PNPLA6: variants seen among roughly 807,000 people sequenced by gnomAD.
PNPLA6 encodes patatin-like phospholipase domain-containing protein 6.
A neutral mutation model predicts 153.7 loss-of-function variants in PNPLA6; 105 were observed. The ratio of observed to expected loss-of-function variants is 0.68; its 90% confidence interval spans 0.58 to 0.80. The LOEUF is 0.80. Ranked by LOEUF, PNPLA6 falls within the 30% of genes least tolerant of loss-of-function variation. PNPLA6 has a pLI of 0.00. For synonymous variants in PNPLA6, 825 were observed against 822.2 expected, an observed-to-expected ratio of 1.00 and a Z score of -0.06; for missense variants, 1,423 against 1,919.3, an observed-to-expected ratio of 0.74 and a Z score of 4.83.
chr19:7,546,913 T>TC (rs1202276023), intron 13 of PNPLA6, among the ~76,000 whole-genome samples: 2 of 151,456 alleles, frequency 1.3e-5, no homozygotes, highest in African/African-American at 4.9e-5. Flanking sequence ...ATTCAATTTT[T>TC]TTTTTTTTTA....
In PNPLA6 at chr19:7,540,965, CG is replaced by C. The variant is rs1568408167; in HGVS notation, c.841del (p.Asp281ThrfsTer48). ...PQRTVSARAA[R>X]DSTVLRLPVE... Reference sequence around the variant, plus strand: ...GCGGACCGTGTCTGCCCGGGCGGCCCGGGACTCCACGGTGCTGCGCCTGCCG... The same window carrying C: ...GCGGACCGTGTCTGCCCGGGCGGCCCGGACTCCACGGTGCTGCGCCTGCCG... On this transcript the variant is annotated frameshift_variant, in exon 7 of 32. Coordinates refer to ENST00000600737, the MANE Select transcript of PNPLA6 (RefSeq NM_001166114.2). LOFTEE classifies it high-confidence loss of function. This position sits in a 1 kb window ranked among gnomAD's most constrained non-coding sequence, Gnocchi z 6.8. The C allele has an allele frequency of 6.2e-7, 1 of 1,611,438 alleles. No individual in the cohort carries two copies. Among genetic ancestry groups the C allele is most frequent in the Non-Finnish European group, 8.5e-7 (1 of 1,179,468 alleles).
At chr19:7,560,580 T>C in intron 28 of PNPLA6, 68 bp from the exon 29 acceptor site, 1 of 1,066,216 alleles carries the variant, frequency 9.4e-7, no homozygotes, top group Non-Finnish European at 1.5e-6. Flanking sequence ...GGCCAGAGAA[T>C]GGGCAGACAG....
At position 7,555,236 on chromosome 19, in the gene PNPLA6, T is replaced by TC. The variant is rs1199037328; in HGVS notation, c.2818-8dup. 1 of 1,585,454 alleles carries TC rather than the reference T, an allele frequency of 6.3e-7. No individual in the cohort carries two copies. The highest frequency in any genetic ancestry group is 1.8e-5 in the Admixed American group (1 of 56,864). On this transcript the variant is annotated splice_polypyrimidine_tract_variant and intron_variant, in intron 22 of 31. Transcript: ENST00000600737. This position sits in a 1 kb window ranked among gnomAD's most constrained non-coding sequence, Gnocchi z 6.3. ...CTCATGCTCCTGGGTCGCGACTATCTCCCCCATCCCAGCATGAGCTCTACG... is the reference window on the plus strand; with the variant it reads ...CTCATGCTCCTGGGTCGCGACTATCTCCCCCCATCCCAGCATGAGCTCTACG...
In PNPLA6 at chr19:7,561,208, G is replaced by A; in HGVS notation, c.3914G>A (p.Gly1305Glu). ...TSYVSDGCAD[G>E]EESDCLTEYE... ...CCTGTGCCCTGCTCCCCGATTCCAGGAGAGGAGTCAGATTGTCTGACAGAG... is the reference window on the plus strand; with the variant it reads ...CCTGTGCCCTGCTCCCCGATTCCAGAAGAGGAGTCAGATTGTCTGACAGAG... The change falls in exon 31 of 32, where the codon GGA becomes GAA. Residue 1305 changes from glycine (G) to glutamate (E), a missense_variant and splice_region_variant. By Grantham distance (98) the Gly-to-Glu change is moderately conservative. Around this residue, in one of 10 missense-constraint regions of PNPLA6, gnomAD observed 643 missense variants for 835.2 expected, o/e 0.77. Transcript: ENST00000600737. 1 of 1,607,166 alleles carries A rather than the reference G, an allele frequency of 6.2e-7. No homozygotes were observed. Among genetic ancestry groups the A allele is most frequent in the East Asian group, 2.2e-5 (1 of 44,674 alleles).
In PNPLA6 at chr19:7,541,219, C is replaced by T. The variant is rs1297606478; in HGVS notation, c.925-135C>T. ...CCGCGGACTCCTCCCTTAGCTGCCT[C>T]GCCCCATTTCCCCAGACTGTGGGTC... On this transcript the variant is annotated intron_variant, in intron 7 of 31. Transcript: ENST00000600737. This position sits in a 1 kb window ranked among gnomAD's most constrained non-coding sequence, Gnocchi z 5.2. The T allele has an allele frequency of 5.5e-6, 6 of 1,086,406 alleles. No homozygotes were observed. The East Asian group carries it at 1.3e-4, about 23-fold the overall frequency. 67.3% of individuals were successfully genotyped at this position (1,086,406 alleles called of 1,614,324 possible). A position where few individuals can be genotyped will look rare whatever the true frequency, so the allele number is the denominator to read the frequency against.
In PNPLA6 at chr19:7,556,443, T is replaced by C. The variant is rs2023883114; in HGVS notation, c.3094-10T>C. On this transcript the variant is annotated splice_polypyrimidine_tract_variant and intron_variant, in intron 24 of 31. Transcript: ENST00000600737. ...CTCCTATTTGACCCTGTCTGGCCCC[T>C]TGTCCCTAGAGCATGACTTCGGTGC... 1 of 1,574,644 alleles carries C rather than the reference T, an allele frequency of 6.4e-7. No individual in the cohort carries two copies. Among genetic ancestry groups the C allele is most frequent in the Non-Finnish European group, 8.7e-7 (1 of 1,144,118 alleles).
rs754999850 is a variant in PNPLA6, at chr19:7,554,256, G to A, written c.2449G>A (p.Ala817Thr). ...TGACATCATCCGGGCACGCCTGGGG[G>A]CCTCCGCACTGGATAGGTGTGTGTT... Reference protein sequence around the residue: ...NSDIIRARLGASALDSIQEFR... With the variant: ...NSDIIRARLGTSALDSIQEFR... The change falls in exon 20 of 32, where the codon GCC becomes ACC. Residue 817 changes from alanine to threonine, a missense_variant. Physicochemically the swap from Ala to Thr is moderately conservative, Grantham distance 58. Coordinates refer to ENST00000600737, the MANE Select transcript of PNPLA6 (RefSeq NM_001166114.2). The A allele has an allele frequency of 6.2e-7, 1 of 1,613,986 alleles. No individual in the cohort carries two copies. The highest frequency in any genetic ancestry group is 1.1e-5 in the South Asian group (1 of 91,082).
chr19:7,549,864 C>T (rs1467561790), intron 13 of PNPLA6, 43 bp from the exon 14 acceptor site: 2 of 1,588,264 alleles, frequency 1.3e-6, no homozygotes, highest in Non-Finnish European at 1.7e-6. Flanking sequence ...CTGGGGTCCA[C>T]GCTGTCCGGG....
intron 28 of PNPLA6, among the ~76,000 whole-genome samples, chr19:7,559,492 G>A (rs950636149): frequency 4.6e-5 from 7 of 152,142 alleles, no homozygotes; most frequent in African/African-American, 1.7e-4. Context: ...GTAGCAGTGC[G>A]TGTGTTATGT....
Position 7,541,284 on chromosome 19 carries a change from G to C in PNPLA6, c.925-70G>C. On this transcript the variant is annotated intron_variant, in intron 7 of 31. Transcript: ENST00000600737. This position sits in a 1 kb window ranked among gnomAD's most constrained non-coding sequence, Gnocchi z 5.2. ...GCCCGACCCCTTATGCTGCGAACTAGCCCGGCCCACCATCTGGCCCTGCCC... is the reference window on the plus strand; with the variant it reads ...GCCCGACCCCTTATGCTGCGAACTACCCCGGCCCACCATCTGGCCCTGCCC... 1 of 1,389,792 alleles carries C rather than the reference G, an allele frequency of 7.2e-7. No homozygotes were observed. The highest frequency in any genetic ancestry group is 1.0e-6 in the Non-Finnish European group (1 of 989,564). 86.1% of individuals were successfully genotyped at this position (1,389,792 alleles called of 1,614,324 possible). A position where few individuals can be genotyped will look rare whatever the true frequency, so the allele number is the denominator to read the frequency against.
intron 16 of PNPLA6, 90 bp downstream of exon 16, chr19:7,550,730 T>G: frequency 6.7e-7 from 1 of 1,500,330 alleles, no homozygotes; most frequent in African/African-American, 1.4e-5. Context: ...ATCCAGGGAG[T>G]GGTGAATGCA....
At chr19:7,546,619 G>C (rs543057811) in intron 13 of PNPLA6, among the ~76,000 whole-genome samples, 1 of 152,152 alleles carries the variant, frequency 6.6e-6, no homozygotes, top group Non-Finnish European at 1.5e-5. Flanking sequence ...ATGTTGGCCA[G>C]GATGGTCTTG....
rs143001288 is a variant in PNPLA6 at position 7,540,572 on chromosome 19, G to A, written c.715-58G>A. On this transcript the variant is annotated intron_variant, in intron 5 of 31. Coordinates refer to ENST00000600737, the MANE Select transcript of PNPLA6 (RefSeq NM_001166114.2). The surrounding 1 kb of genome is among the most constrained non-coding windows in gnomAD (Gnocchi z 6.8). ...AGTGATCATTGGGATGGATGAGGGG[G>A]CGACATGCCAGTCACCAGGGCGAGG... The A allele has an allele frequency of 5.1e-4, 688 of 1,349,018 alleles. 5 individuals are homozygous for A. In the African/African-American group the frequency reaches 7.7e-3, roughly 15 times the overall value. 83.6% of individuals were successfully genotyped at this position (1,349,018 alleles called of 1,614,324 possible).
At chr19:7,559,232 GGGAGGAATCCA>G (rs1445793463) in intron 28 of PNPLA6, 81 bp downstream of exon 28, 11 of 1,224,702 alleles carry the variant, frequency 9.0e-6, no homozygotes, top group African/African-American at 3.0e-5. Flanking sequence ...TGGTATGAGG[GGGAGGAATCCA>G]GGAGGAATCC....
At chr19:7,559,648 G>A (rs1281474640) in intron 28 of PNPLA6, among the ~76,000 whole-genome samples, 1 of 151,896 alleles carries the variant, frequency 6.6e-6, no homozygotes, top group Non-Finnish European at 1.5e-5. Context: ...AGACCAGCCT[G>A]TGCAACATAG....
At position 7,540,347 on chromosome 19, in the gene PNPLA6, G is replaced by A. The variant is rs367968144; in HGVS notation, c.714+39G>A. The A allele has an allele frequency of 2.5e-6, 4 of 1,582,012 alleles. No individual in the cohort carries two copies. Among genetic ancestry groups the A allele is most frequent in the Non-Finnish European group, 3.4e-6 (4 of 1,166,588 alleles). ...CCCAGGGGCTGCTGCAGGAGGATGG[G>A]TGGTGGGGATGGGCAGCAGGCATTG... On this transcript the variant is annotated intron_variant, in intron 5 of 31. Coordinates refer to ENST00000600737, the MANE Select transcript of PNPLA6 (RefSeq NM_001166114.2). The surrounding 1 kb of genome is among the most constrained non-coding windows in gnomAD (Gnocchi z 6.8).
At chr19:7,549,584 G>T (rs1055235579) in intron 13 of PNPLA6, 1 of 403,226 alleles carries the variant, frequency 2.5e-6, no homozygotes, top group Non-Finnish European at 4.7e-6. Flanking sequence ...AGCCTTCCAG[G>T]TTCAGGCAAT....
At position 7,549,922 on chromosome 19, in the gene PNPLA6, T is replaced by C. The variant is rs184906487; in HGVS notation, c.1624T>C (p.Phe542Leu). 1.9e-6 allele frequency: 3 copies of C among 1,613,646 alleles called. No homozygotes were observed. In the African/African-American group the frequency reaches 4.0e-5, roughly 21 times the overall value. Reference sequence around the variant, plus strand: ...GCCCGCACAGGACGTGAGCCTGCACTTCGTGCTCTGGGGCTGCCTGCACGT... The same window carrying C: ...GCCCGCACAGGACGTGAGCCTGCACCTCGTGCTCTGGGGCTGCCTGCACGT... ...RQGDQDVSLH[F>L]VLWGCLHVYQ... The change falls in exon 14 of 32, where the codon TTC becomes CTC. Residue 542 changes from phenylalanine (F) to leucine (L), a missense_variant. Transcript: ENST00000600737.
At chr19:7,548,926 C>T (rs1437223708) in intron 13 of PNPLA6, among the ~76,000 whole-genome samples, 3 of 149,860 alleles carry the variant, frequency 2.0e-5, no homozygotes, top group African/African-American at 7.3e-5. Flanking sequence ...CCTCAGACTC[C>T]CAAGTAGCTG....
Sources: allele counts gnomAD v4.1 joint callset (sites outside exome capture counted in the v4.1 genomes callset), GRCh38; gene constraint gnomAD v4.1.1; regional missense constraint gnomAD v4.1.1; non-coding constraint Gnocchi (gnomAD v3.1); transcripts MANE v1.5; gene names NCBI Gene and HGNC (gene_info 2026-07-23, HGNC 2026-07-21).